WWC2: variants seen among roughly 807,000 people sequenced by gnomAD.
The protein encoded by WWC2 is protein WWC2.
In WWC2, 101 loss-of-function variants were observed where a neutral mutation model predicts 138.5. The observed-to-expected ratio is 0.73, with a 90% CI of 0.62 to 0.86. The LOEUF (loss-of-function observed/expected upper bound fraction) is 0.86. Among genes scored for constraint, WWC2 ranks in the 40% least tolerant of loss-of-function variants. The pLI, the probability that WWC2 is intolerant of heterozygous loss-of-function variation, is 0.00. For synonymous variants in WWC2, 558 were observed against 538.4 expected, an observed-to-expected ratio of 1.04 and a Z score of -0.50; for missense variants, 1,420 against 1,419.4, an observed-to-expected ratio of 1.00 and a Z score of -0.01.
intron 18 of WWC2, 23 bp downstream of exon 18, chr4:183,282,929 T>C: frequency 6.5e-7 from 1 of 1,547,624 alleles, no homozygotes; most frequent in Non-Finnish European, 8.7e-7. Context: ...CTGTGCTGTC[T>C]TAAAACTGAT....
At chr4:183,256,742 A>G (rs893095211) in intron 9 of WWC2, among the ~76,000 whole-genome samples, 77 of 152,268 alleles carry the variant, frequency 5.1e-4, no homozygotes, top group Middle Eastern at 3.4e-3. Context: ...GTATTCCCCA[A>G]CATATTCCTG....
chr4:183,307,747 C>A (rs1353891815), intron 21 of WWC2, among the ~76,000 whole-genome samples: 3 of 152,158 alleles, frequency 2.0e-5, no homozygotes, highest in African/African-American at 7.2e-5. Flanking sequence ...AACTCTACAA[C>A]TAACATCATA....
intron 1 of WWC2, among the ~76,000 whole-genome samples, chr4:183,181,010 A>G (rs1169677554): frequency 1.3e-5 from 2 of 152,234 alleles, no homozygotes; most frequent in Admixed American, 6.5e-5. Flanking sequence ...ATCAAAACTT[A>G]TGCACACATT....
intron 1 of WWC2, among the ~76,000 whole-genome samples, chr4:183,172,556 G>GTTTT (rs61599876): frequency 4.2e-4 from 48 of 113,040 alleles, no homozygotes; most frequent in African/African-American, 1.1e-3. Context: ...TATGTTTCTT[G>GTTTT]TTTTTTTTTT....
At chr4:183,263,858 T>C (rs1737412864) in intron 11 of WWC2, among the ~76,000 whole-genome samples, 1 of 152,176 alleles carries the variant, frequency 6.6e-6, no homozygotes, top group Non-Finnish European at 1.5e-5. Context: ...CAGGGACGTT[T>C]GTCATCTCCC....
chr4:183,287,577 A>G (rs185868331), intron 20 of WWC2, among the ~76,000 whole-genome samples: 1 of 152,314 alleles, frequency 6.6e-6, no homozygotes, highest in East Asian at 1.9e-4. Context: ...ATGGTTTTAA[A>G]TGGTTTTTAA....
intron 1 of WWC2, among the ~76,000 whole-genome samples, chr4:183,189,548 A>G (rs1364853253): frequency 6.6e-6 from 1 of 152,188 alleles, no homozygotes; most frequent in African/African-American, 2.4e-5. Flanking sequence ...TTAAAATTCA[A>G]GTTGTGAAAC....
At chr4:183,207,415 T>C (rs966036441) in intron 2 of WWC2, among the ~76,000 whole-genome samples, 19 of 152,218 alleles carry the variant, frequency 1.2e-4, no homozygotes, top group Non-Finnish European at 1.0e-4. Flanking sequence ...AAGAAATGCA[T>C]AGTATTTATC....
Position 183,315,819 on chromosome 4 carries a change from GT to G in WWC2, c.*98del, listed in dbSNP as rs1188150241. 6.1e-5 allele frequency: 62 copies of G among 1,023,600 alleles called. No individual in the cohort carries two copies. Among genetic ancestry groups the G allele is most frequent in the South Asian group, 8.7e-5 (5 of 57,734 alleles). 63.4% of individuals were successfully genotyped at this position (1,023,600 alleles called of 1,614,324 possible). On this transcript the variant is annotated 3_prime_UTR_variant, in exon 23 of 23. Transcript: ENST00000403733. ...ATTTGTGTTTTTGTTTTGGTGTTTG[GT>G]TTTTTTTGGTAACGTAACTGTCAAC...
chr4:183,271,030 T>C (rs28647357), intron 15 of WWC2, 50 bp from the exon 16 acceptor site: 389,390 of 1,409,404 alleles, frequency 0.28, 55,713 homozygotes, highest in Admixed American at 0.42. Context: ...TTTAAACATT[T>C]TATTTTCTCT....
At chr4:183,112,270 CAT>C (rs374167477) in intron 1 of WWC2, among the ~76,000 whole-genome samples, 40 of 152,296 alleles carry the variant, frequency 2.6e-4, no homozygotes, top group African/African-American at 8.7e-4. Flanking sequence ...CCTAGTGTCT[CAT>C]GTGTAAGGAG....
intron 2 of WWC2, among the ~76,000 whole-genome samples, chr4:183,195,839 G>A (rs1025484943): frequency 3.9e-5 from 6 of 152,094 alleles, no homozygotes; most frequent in Non-Finnish European, 5.9e-5. Context: ...ACCTGTTCTT[G>A]CTGAGGGCAC....
At chr4:183,131,826 C>A (rs970076838) in intron 1 of WWC2, among the ~76,000 whole-genome samples, 3 of 152,170 alleles carry the variant, frequency 2.0e-5, no homozygotes, top group Non-Finnish European at 4.4e-5. Context: ...GTCTTCAAAT[C>A]ACTAGGATTT....
intron 4 of WWC2, among the ~76,000 whole-genome samples, chr4:183,223,204 A>G (rs749973942): frequency 4.6e-5 from 7 of 152,220 alleles, no homozygotes; most frequent in Non-Finnish European, 1.0e-4. Flanking sequence ...AGGCTATGCC[A>G]AGTGGCCTAG....
chr4:183,289,770 T>C, intron 21 of WWC2, 135 bp downstream of exon 21: 6 of 1,389,024 alleles, frequency 4.3e-6, no homozygotes, highest in Non-Finnish European at 5.7e-6. Flanking sequence ...GGAACATATT[T>C]TTCCCACTGT....
chr4:183,289,429 G>A lies in WWC2; in HGVS notation c.3178G>A (p.Glu1060Lys). 2 of 1,612,294 alleles carry A rather than the reference G, an allele frequency of 1.2e-6. No individual in the cohort carries two copies. Among genetic ancestry groups the A allele is most frequent in the Non-Finnish European group, 1.7e-6 (2 of 1,179,158 alleles). ...GTCAGTCCTTAGAAGAACAACACAG[G>A]AATGCCCAGTGCGGACATCTCTAGA... ...CQSVLRRTTQECPVRTSLDLE... is the reference protein window; with the variant it reads ...CQSVLRRTTQKCPVRTSLDLE... The change falls in exon 21 of 23, where the codon GAA (glutamate) becomes AAA (lysine). Residue 1060 changes from glutamate to lysine, a missense_variant. Physicochemically the swap from Glu to Lys is moderately conservative, Grantham distance 56. Coordinates refer to ENST00000403733, the MANE Select transcript of WWC2 (RefSeq NM_024949.6).
At chr4:183,159,729 T>A (rs13102473) in intron 1 of WWC2, among the ~76,000 whole-genome samples, 25,645 of 74,278 alleles carry the variant, frequency 0.35, 2,422 homozygotes, top group East Asian at 0.43. Context: ...TTTTTTTTTT[T>A]AAAAAAAAAA....
intron 4 of WWC2, among the ~76,000 whole-genome samples, chr4:183,209,689 T>C (rs933831347): frequency 2.6e-5 from 4 of 152,294 alleles, no homozygotes; most frequent in East Asian, 3.9e-4. Context: ...GCCCACAACT[T>C]AAAAGTCTAA....
chr4:183,316,034 T>G lies in WWC2; in HGVS notation c.*305T>G. The G allele has an allele frequency of 4.4e-6, 1 of 227,082 alleles. No individual in the cohort carries two copies. Among genetic ancestry groups the G allele is most frequent in the East Asian group, 9.6e-5 (1 of 10,366 alleles). 14.1% of individuals were successfully genotyped at this position (227,082 alleles called of 1,614,324 possible). ...TTTTGTAAAAATGGAATAGAGGCAG[T>G]ACCCCACATGTGTACTGTTGAGCCG... On this transcript the variant is annotated 3_prime_UTR_variant, in exon 23 of 23. Coordinates refer to ENST00000403733, the MANE Select transcript of WWC2 (RefSeq NM_024949.6).
Sources: allele counts gnomAD v4.1 joint callset (sites outside exome capture counted in the v4.1 genomes callset), GRCh38; gene constraint gnomAD v4.1.1; transcripts MANE v1.5; gene names NCBI Gene and HGNC (gene_info 2026-07-23, HGNC 2026-07-21).